Variants in NEIL2 observed in about 807,000 individuals in gnomAD.
NEIL2 encodes endonuclease 8-like 2.
NEIL2 carries 23 observed loss-of-function variants against 22.2 expected under a neutral mutation model. The ratio of observed to expected loss-of-function variants is 1.04; its 90% confidence interval spans 0.75 to 1.47. NEIL2 has a LOEUF of 1.47. NEIL2 is among the 40% of genes most tolerant of loss of function. NEIL2 has a pLI of 0.00. For synonymous variants in NEIL2, 229 were observed against 164.8 expected (o/e 1.39, Z -2.99); for missense variants, 583 against 404.7 (o/e 1.44, Z -3.78).
chr8:11,775,968 C>T (rs568511447), intron 2 of NEIL2, among the ~76,000 whole-genome samples: 1 of 152,334 alleles, frequency 6.6e-6, no homozygotes, highest in East Asian at 1.9e-4. Context: ...GTTTCAACCT[C>T]TGCCTGTTAC....
chr8:11,783,185 C>T lies in NEIL2; in HGVS notation c.492-18C>T. On this transcript the variant is annotated intron_variant, in intron 3 of 4. Transcript: ENST00000284503. ...CTGTGGTAACGATGTGTACATATGA[C>T]CTGTTCTTTCTTCCCAGGTTGGTCC... 1.9e-6 allele frequency: 3 copies of T among 1,612,434 alleles called. No homozygotes were observed. Among genetic ancestry groups the T allele is most frequent in the Non-Finnish European group, 2.5e-6 (3 of 1,178,400 alleles).
At chr8:11,779,356 CA>C (rs2130496304) in intron 2 of NEIL2, among the ~76,000 whole-genome samples, 2 of 152,304 alleles carry the variant, frequency 1.3e-5, no homozygotes, top group African/African-American at 4.8e-5. Flanking sequence ...GTGGCCTTGC[CA>C]TCTTGCATGG....
intron 4 of NEIL2, among the ~76,000 whole-genome samples, chr8:11,783,721 G>T (rs1389786856): frequency 6.6e-6 from 1 of 152,254 alleles, no homozygotes; most frequent in African/African-American, 2.4e-5. Flanking sequence ...CCACTGCACA[G>T]TGCAGCGCCT....
intron 2 of NEIL2, among the ~76,000 whole-genome samples, chr8:11,774,255 A>G (rs1054040311): frequency 1.3e-5 from 2 of 152,060 alleles, no homozygotes; most frequent in African/African-American, 4.8e-5. Context: ...GGCGCCTGTA[A>G]TCCCAGCTAC....
Position 11,786,423 on chromosome 8 carries a change from T to G in NEIL2, c.*150T>G. The stretch of plus-strand genomic sequence containing the variant: ...TAATATTCGTCTCCCTGGAGTTATG[T>G]TGAAGGCAGAGTTTTCATAGGGTTA... On this transcript the variant is annotated 3_prime_UTR_variant, in exon 5 of 5. Coordinates refer to ENST00000284503, the MANE Select transcript of NEIL2 (RefSeq NM_145043.4). 1 of 757,028 alleles carries G rather than the reference T, an allele frequency of 1.3e-6. No homozygotes were observed. The highest frequency in any genetic ancestry group is 2.3e-6 in the Non-Finnish European group (1 of 440,096). 46.9% of individuals were successfully genotyped at this position (757,028 alleles called of 1,614,324 possible).
At chr8:11,773,147 G>A (rs773673459) in intron 2 of NEIL2, among the ~76,000 whole-genome samples, 7 of 152,164 alleles carry the variant, frequency 4.6e-5, no homozygotes, top group Non-Finnish European at 1.0e-4. Context: ...GGTTTGCAGG[G>A]GCAGAATTGT....
chr8:11,771,545 A>C lies in NEIL2; in HGVS notation c.98A>C (p.Gln33Pro). Reference protein sequence around the residue: ...VKTGGSSKKLQPASLQSLWLQ... With the variant: ...VKTGGSSKKLPPASLQSLWLQ... ...ACAGGGGGCAGCAGTAAGAAGCTAC[A>C]GCCCGCCAGCCTGCAGTCTCTGTGG... Residue 33 changes from glutamine to proline, a missense_variant, in exon 2 of 5, where the codon CAG (glutamine) becomes CCG (proline). By Grantham distance (76) the Gln-to-Pro change is moderately conservative. Coordinates refer to ENST00000284503, the MANE Select transcript of NEIL2 (RefSeq NM_145043.4). 6.2e-7 allele frequency: 1 copy of C among 1,614,028 alleles called. No individual in the cohort carries two copies. The highest frequency in any genetic ancestry group is 1.7e-5 in the Admixed American group (1 of 60,008).
At chr8:11,777,254 A>C (rs182881414) in intron 2 of NEIL2, among the ~76,000 whole-genome samples, 1 of 151,542 alleles carries the variant, frequency 6.6e-6, no homozygotes, top group Non-Finnish European at 1.5e-5. Flanking sequence ...CAGCCTCCCA[A>C]AGTGCAGGGA....
At position 11,786,504 on chromosome 8, in the gene NEIL2, G is replaced by A. The variant is rs1050646659; in HGVS notation, c.*231G>A. ...ATTCATCCTGTTGAATTGCACCATC[G>A]TGAAAGATGGGAAAAATCGTGATGA... On this transcript the variant is annotated 3_prime_UTR_variant, in exon 5 of 5. Coordinates refer to ENST00000284503, the MANE Select transcript of NEIL2 (RefSeq NM_145043.4). 14 of 577,334 alleles carry A rather than the reference G, an allele frequency of 2.4e-5. No individual in the cohort carries two copies. The highest frequency in any genetic ancestry group is 1.2e-4 in the Admixed American group (4 of 33,684). 35.8% of individuals were successfully genotyped at this position (577,334 alleles called of 1,614,324 possible). A position where few individuals can be genotyped will look rare whatever the true frequency, so the allele number is the denominator to read the frequency against.
At chr8:11,782,743 C>T (rs531552641) in intron 3 of NEIL2, 94 of 250,792 alleles carry the variant, frequency 3.7e-4, no homozygotes, top group African/African-American at 1.9e-3. Flanking sequence ...GTGTATGATC[C>T]AGCCACAGAG....
intron 2 of NEIL2, among the ~76,000 whole-genome samples, chr8:11,775,345 G>A (rs540644831): frequency 1.4e-4 from 21 of 152,296 alleles, no homozygotes; most frequent in East Asian, 9.6e-4. Context: ...GTACATTGGC[G>A]CTTTTTAGCC....
In NEIL2 at chr8:11,783,036, T is replaced by C. The variant is rs1248997301; in HGVS notation, c.492-167T>C. The C allele has an allele frequency of 4.3e-6, 3 of 699,340 alleles. No homozygotes were observed. In the African/African-American group the frequency reaches 5.3e-5, roughly 12 times the overall value. The allele number at this position is 699,340 out of a possible 1,614,324, so 43.3% of individuals were successfully genotyped here. On this transcript the variant is annotated intron_variant, in intron 3 of 4. Transcript: ENST00000284503. ...AGAGTGTGCTCTGACTATACTGTGG[T>C]AACGATGTGGGGATGTCTGTATGTG... is the stretch of plus-strand genomic sequence containing the variant.
At position 11,786,108 on chromosome 8, in the gene NEIL2, C is replaced by T. The variant is rs61755992; in HGVS notation, c.834C>T (p.Gly278=). The T allele has an allele frequency of 1.5e-4, 239 of 1,614,170 alleles. No individual in the cohort carries two copies. The African/African-American group carries it at 2.8e-3, about 19-fold the overall frequency. Residue 278 remains glycine, a synonymous_variant, in exon 5 of 5, where the codon GGC becomes GGT. Transcript: ENST00000284503. The part of the protein sequence containing the change: ...STAWLQGKFQ[G]RPQHTQVYQK... ...CCTGGCTGCAGGGCAAGTTCCAAGG[C>T]AGACCGCAGCACACACAGGTCTACC...
chr8:11,772,283 T>C (rs1803523199), intron 2 of NEIL2, among the ~76,000 whole-genome samples: 1 of 152,204 alleles, frequency 6.6e-6, no homozygotes, highest in Admixed American at 6.5e-5. Context: ...CGGAGCTCCC[T>C]GTTTTCTCAC....
Position 11,779,630 on chromosome 8 carries a change from T to C in NEIL2, c.171T>C (p.Asp57=), listed in dbSNP as rs1804215645. Residue 57 remains aspartate (D), a synonymous_variant, in exon 3 of 5, where the codon GAT becomes GAC. Coordinates refer to ENST00000284503, the MANE Select transcript of NEIL2 (RefSeq NM_145043.4). ...GAAAGAAATTATTCCTTAGATTTGA[T>C]CTAGATGAAGAAATGGGGCCCCCTG... is the stretch of plus-strand genomic sequence containing the variant. ...VHGKKLFLRF[D]LDEEMGPPGS... 5.0e-6 allele frequency: 8 copies of C among 1,613,408 alleles called. No individual in the cohort carries two copies. The highest frequency in any genetic ancestry group is 6.8e-6 in the Non-Finnish European group (8 of 1,179,830).
chr8:11,786,532 G>C lies in NEIL2; in HGVS notation c.*259G>C. ...AAAGATGGGAAAAATCGTGATGATG[G>C]GTAAGGGGAAAACTTCCCGGAAGGC... is the stretch of plus-strand genomic sequence containing the variant. On this transcript the variant is annotated 3_prime_UTR_variant, in exon 5 of 5. Coordinates refer to ENST00000284503, the MANE Select transcript of NEIL2 (RefSeq NM_145043.4). 1 of 543,760 alleles carries C rather than the reference G, an allele frequency of 1.8e-6. No homozygotes were observed. Among genetic ancestry groups the C allele is most frequent in the East Asian group, 3.3e-5 (1 of 30,702 alleles). 33.7% of individuals were successfully genotyped at this position (543,760 alleles called of 1,614,324 possible). A position where few individuals can be genotyped will look rare whatever the true frequency, so the allele number is the denominator to read the frequency against.
chr8:11,779,384 A>G (rs1294702809), intron 2 of NEIL2, among the ~76,000 whole-genome samples: 1 of 152,196 alleles, frequency 6.6e-6, no homozygotes. Flanking sequence ...TTCACTGCCA[A>G]CTAAGTCTCC....
intron 2 of NEIL2, among the ~76,000 whole-genome samples, chr8:11,777,514 C>G (rs918507837): frequency 1.3e-5 from 2 of 152,164 alleles, no homozygotes; most frequent in Non-Finnish European, 2.9e-5. Context: ...GACTCCATAC[C>G]TGTTGAACGC....
rs1480740840 is a variant in NEIL2 at position 11,783,395 on chromosome 8, G to A, written c.684G>A (p.Gly228=). The A allele has an allele frequency of 1.2e-6, 2 of 1,613,660 alleles. No homozygotes were observed. Among genetic ancestry groups the A allele is most frequent in the South Asian group, 1.1e-5 (1 of 91,070 alleles). The change falls in exon 4 of 5, where the codon GGG becomes GGA. Residue 228 remains glycine (G), a synonymous_variant. Coordinates refer to ENST00000284503, the MANE Select transcript of NEIL2 (RefSeq NM_145043.4). The part of the protein sequence containing the change: ...YTLLDQRYFS[G]LGNIIKNEAL... ...TGCTGGACCAGAGATACTTCTCAGG[G>A]CTAGGTATGACTCATGGGAAAGGGG...
Sources: allele counts gnomAD v4.1 joint callset (sites outside exome capture counted in the v4.1 genomes callset), GRCh38; gene constraint gnomAD v4.1.1; transcripts MANE v1.5; gene names NCBI Gene and HGNC (gene_info 2026-07-23, HGNC 2026-07-21).